FCSK: variants seen among roughly 807,000 people sequenced by gnomAD.
FCSK encodes fucose kinase.
FCSK carries 123 observed loss-of-function variants against 122.5 expected under a neutral mutation model. The ratio of observed to expected loss-of-function variants is 1.00; its 90% CI spans 0.87 to 1.17. The LOEUF is 1.17. FCSK is among the 50% of genes most tolerant of loss of function. The pLI, the probability that FCSK is intolerant of heterozygous loss-of-function variation, is 0.00. For synonymous variants in FCSK, 620 were observed against 625.5 expected, an observed-to-expected ratio of 0.99 and a Z score of 0.13; for missense variants, 1,366 against 1,450.4, an observed-to-expected ratio of 0.94 and a Z score of 0.95.
At chr16:70,474,023 G>GGT in intron 15 of FCSK, 106 bp from the exon 16 acceptor site, 1 of 1,006,308 alleles carries the variant, frequency 9.9e-7, no homozygotes, top group Non-Finnish European at 1.5e-6. Context: ...AAAGCCAGGA[G>GGT]GTGTGAGGGG....
In FCSK at chr16:70,465,114, C is replaced by T. The variant is rs997119961; in HGVS notation, c.235-12C>T. 1.9e-6 allele frequency: 3 copies of T among 1,613,632 alleles called. No individual in the cohort carries two copies. The highest frequency in any genetic ancestry group is 2.5e-6 in the Non-Finnish European group (3 of 1,179,858). On this transcript the variant is annotated splice_polypyrimidine_tract_variant and intron_variant, in intron 3 of 23. Coordinates refer to ENST00000288078, the MANE Select transcript of FCSK (RefSeq NM_145059.3). Reference sequence around the variant, plus strand: ...TGAGGCCTCTGTTCACAGGGCTTTCCCACTCCTGCAGGTGGTCACATCCGA... The same window carrying T: ...TGAGGCCTCTGTTCACAGGGCTTTCTCACTCCTGCAGGTGGTCACATCCGA...
At position 70,463,789 on chromosome 16, in the gene FCSK, G is replaced by A. The variant is rs1367826026; in HGVS notation, c.234+15G>A. The A allele has an allele frequency of 1.9e-6, 3 of 1,598,236 alleles. No individual in the cohort carries two copies. Among genetic ancestry groups the A allele is most frequent in the Non-Finnish European group, 2.6e-6 (3 of 1,173,940 alleles). Reference sequence around the variant, plus strand: ...CAGGCTTCACTGTGAGTGCTCACCAGGGCCACCTCCCTGGTCTGTGTCCCT... The same window carrying A: ...CAGGCTTCACTGTGAGTGCTCACCAAGGCCACCTCCCTGGTCTGTGTCCCT... On this transcript the variant is annotated intron_variant, in intron 3 of 23. Transcript: ENST00000288078.
rs1364224726 is a variant in FCSK, at chr16:70,474,232, G to A, written c.1881G>A (p.Gly627=). The change falls in exon 16 of 24, where the codon GGG becomes GGA. Residue 627 remains glycine, a synonymous_variant. Coordinates refer to ENST00000288078, the MANE Select transcript of FCSK (RefSeq NM_145059.3). ...MAEGRGGLRS[G]PAANPEWMRP... ...AGGGCCGTGGGGGCTTGCGGAGCGGGCCAGCTGCCAACCCTGAGTGGATGC... is the reference window on the plus strand; with the variant it reads ...AGGGCCGTGGGGGCTTGCGGAGCGGACCAGCTGCCAACCCTGAGTGGATGC... 1 of 1,605,006 alleles carries A rather than the reference G, an allele frequency of 6.2e-7. No homozygotes were observed. The highest frequency in any genetic ancestry group is 1.1e-5 in the South Asian group (1 of 89,566).
rs571536381 is a variant in FCSK, at chr16:70,468,717, G to T, written c.664-132G>T. On this transcript the variant is annotated intron_variant, in intron 8 of 23. Transcript: ENST00000288078. ...AAGCCTGGAGTCTGGCTGCTGGAGTGGTCAGAAGGTGACACTCCCTGCCTG... is the reference window on the plus strand; with the variant it reads ...AAGCCTGGAGTCTGGCTGCTGGAGTTGTCAGAAGGTGACACTCCCTGCCTG... 3.7e-5 allele frequency: 41 copies of T among 1,113,896 alleles called. No homozygotes were observed. In the South Asian group the frequency reaches 5.4e-4, roughly 15 times the overall value. The allele number at this position is 1,113,896 out of a possible 1,614,324, so 69.0% of individuals were successfully genotyped here. A position where few individuals can be genotyped will look rare whatever the true frequency, so the allele number is the denominator to read the frequency against.
At chr16:70,467,275 C>T (rs765970421) in intron 6 of FCSK, 99 bp from the exon 7 acceptor site, 15 of 765,660 alleles carry the variant, frequency 2.0e-5, no homozygotes, top group Non-Finnish European at 3.2e-5. Flanking sequence ...TTTAGAGGTG[C>T]CCAGGTGCCG....
In FCSK at chr16:70,468,914, G is replaced by A. The variant is rs891888867; in HGVS notation, c.729G>A (p.Pro243=). The part of the protein sequence containing the change: ...AERLLATHVS[P]PLDACTYLGL... ...GCCTCCTAGCCACCCACGTGAGCCC[G>A]CCCCTGGATGCCTGCACCTACCTAG... The change falls in exon 9 of 24, where the codon CCG becomes CCA. Residue 243 remains proline, a synonymous_variant. Coordinates refer to ENST00000288078, the MANE Select transcript of FCSK (RefSeq NM_145059.3). 7.4e-6 allele frequency: 12 copies of A among 1,613,782 alleles called. No individual in the cohort carries two copies. Among genetic ancestry groups the A allele is most frequent in the African/African-American group, 2.7e-5 (2 of 74,916 alleles).
chr16:70,462,033 C>T (rs925402434), intron 1 of FCSK: 1 of 152,120 alleles, frequency 6.6e-6, no homozygotes. Flanking sequence ...GATCACTGCT[C>T]CTCCGAAAAA....
At position 70,478,494 on chromosome 16, in the gene FCSK, G is replaced by A. The variant is rs1416807829; in HGVS notation, c.2829+35G>A. On this transcript the variant is annotated intron_variant, in intron 21 of 23. Transcript: ENST00000288078. Reference sequence around the variant, plus strand: ...GGCCCCAGCATGAGGGAGGCAGGCAGGGGGCCTGCCAGCTGGGCCTGGGTC... The same window carrying A: ...GGCCCCAGCATGAGGGAGGCAGGCAAGGGGCCTGCCAGCTGGGCCTGGGTC... 2.5e-6 allele frequency: 4 copies of A among 1,612,828 alleles called. No individual in the cohort carries two copies. The African/African-American group carries it at 5.3e-5, about 22-fold the overall frequency.
intron 16 of FCSK, 85 bp from the exon 17 acceptor site, chr16:70,474,443 C>T: frequency 6.5e-7 from 1 of 1,547,268 alleles, no homozygotes; most frequent in Non-Finnish European, 8.7e-7. Context: ...CCTTGGGTAC[C>T]CCGGGACAGT....
At chr16:70,455,522 A>ACAG (rs2048066270) in intron 1 of FCSK, among the ~76,000 whole-genome samples, 1 of 151,560 alleles carries the variant, frequency 6.6e-6, no homozygotes, top group Non-Finnish European at 1.5e-5. Flanking sequence ...AACAACAACA[A>ACAG]AAGAACCTTA....
At chr16:70,478,721 G>A in intron 22 of FCSK, 71 bp downstream of exon 22, 9 of 1,280,818 alleles carry the variant, frequency 7.0e-6, no homozygotes, top group Non-Finnish European at 1.0e-5. Context: ...TTTGAGGCCA[G>A]GGTCATCTGC....
At chr16:70,478,530 C>T (rs1413093481) in intron 21 of FCSK, 21 bp from the exon 22 acceptor site, 7 of 1,613,570 alleles carry the variant, frequency 4.3e-6, no homozygotes, top group Non-Finnish European at 5.9e-6. Context: ...CTCACCACCC[C>T]TTCTCCTGCC....
At position 70,467,365 on chromosome 16, in the gene FCSK, A is replaced by C; in HGVS notation, c.485-9A>C. 1 of 1,598,574 alleles carries C rather than the reference A, an allele frequency of 6.3e-7. No homozygotes were observed. Among genetic ancestry groups the C allele is most frequent in the Non-Finnish European group, 8.5e-7 (1 of 1,172,372 alleles). ...CCCCTGGGAGCCTCCTGACTGCCCC[A>C]CCCCACAGGTATCAGCTGGGACAGC... On this transcript the variant is annotated splice_polypyrimidine_tract_variant and intron_variant, in intron 6 of 23. Coordinates refer to ENST00000288078, the MANE Select transcript of FCSK (RefSeq NM_145059.3).
rs1320326261 is a variant in FCSK at position 70,480,212 on chromosome 16, G to C, written c.*532G>C. On this transcript the variant is annotated 3_prime_UTR_variant, in exon 24 of 24. Transcript: ENST00000288078. ...ACTACGGAGCGTGCCAAGTGACCTG[G>C]TGCCTGTGGGAAGTGGGTTCTCAGG... The C allele has an allele frequency of 6.5e-6, 1 of 153,738 alleles. No individual in the cohort carries two copies. The highest frequency in any genetic ancestry group is 1.9e-4 in the East Asian group (1 of 5,206). The allele number at this position is 153,738 out of a possible 1,614,324, so 9.5% of individuals were successfully genotyped here.
At chr16:70,467,019 C>T in intron 6 of FCSK, 65 bp downstream of exon 6, 1 of 1,462,926 alleles carries the variant, frequency 6.8e-7, no homozygotes. Flanking sequence ...CCAGCTCTGC[C>T]CTTCTTGCCC....
In FCSK at chr16:70,474,938, G is replaced by C. The variant is rs369163057; in HGVS notation, c.2304G>C (p.Gln768His). 109 of 1,611,546 alleles carry C rather than the reference G, an allele frequency of 6.8e-5. No individual in the cohort carries two copies. Among genetic ancestry groups the C allele is most frequent in the Non-Finnish European group, 9.2e-5 (109 of 1,179,380 alleles). The part of the protein sequence containing the change: ...PELWLAVGPR[Q>H]DEMTVKIVCR... ...TGTGGCTGGCGGTGGGGCCTCGGCAGGATGAGATGACTGTGAAGATAGTGT... is the reference window on the plus strand; with the variant it reads ...TGTGGCTGGCGGTGGGGCCTCGGCACGATGAGATGACTGTGAAGATAGTGT... Residue 768 changes from glutamine to histidine, a missense_variant, in exon 18 of 24, where the codon CAG becomes CAC. Coordinates refer to ENST00000288078, the MANE Select transcript of FCSK (RefSeq NM_145059.3).
At chr16:70,460,784 A>T (rs557565329) in intron 1 of FCSK, among the ~76,000 whole-genome samples, 1 of 152,224 alleles carries the variant, frequency 6.6e-6, no homozygotes, top group Non-Finnish European at 1.5e-5. Flanking sequence ...AGCTGTGCTC[A>T]GTCACTGGTT....
Position 70,473,251 on chromosome 16 carries a change from C to T in FCSK, c.1675C>T (p.Arg559Trp), listed in dbSNP as rs567507852. 336 of 1,533,126 alleles carry T rather than the reference C, an allele frequency of 2.2e-4. No individual in the cohort carries two copies. Among genetic ancestry groups the T allele is most frequent in the Admixed American group, 6.9e-4 (35 of 50,872 alleles). The allele number at this position is 1,533,126 out of a possible 1,614,324, so 95.0% of individuals were successfully genotyped here. A position where few individuals can be genotyped will look rare whatever the true frequency, so the allele number is the denominator to read the frequency against. ...CTTCCGCCAGGCCCTGCATAAGGCG[C>T]GGCACGTGCTGGAGGCCCGGCAGGA... is the stretch of plus-strand genomic sequence containing the variant. ...LFFRQALHKA[R>W]HVLEARQDLS... The change falls in exon 15 of 24, where the codon CGG (arginine) becomes TGG (tryptophan). Residue 559 changes from arginine to tryptophan, a missense_variant. By Grantham distance (101) the Arg-to-Trp change is moderately radical. Coordinates refer to ENST00000288078, the MANE Select transcript of FCSK (RefSeq NM_145059.3). This position sits in a 1 kb window ranked among gnomAD's most constrained non-coding sequence, Gnocchi z 4.9.
rs557173956 is a variant in FCSK at position 70,475,248 on chromosome 16, C to T, written c.2378-102C>T. On this transcript the variant is annotated intron_variant, in intron 18 of 23. Coordinates refer to ENST00000288078, the MANE Select transcript of FCSK (RefSeq NM_145059.3). The stretch of plus-strand genomic sequence containing the variant: ...CCAGTACTGCTGCTGGGCTTTTGTC[C>T]CACCGGATGAGTCCCGCACTGGGCT... 4.6e-4 allele frequency: 636 copies of T among 1,393,980 alleles called. 8 individuals carry two copies. In the South Asian group the frequency reaches 7.7e-3, roughly 17 times the overall value. 86.4% of individuals were successfully genotyped at this position (1,393,980 alleles called of 1,614,324 possible).
Sources: allele counts gnomAD v4.1 joint callset (sites outside exome capture counted in the v4.1 genomes callset), GRCh38; gene constraint gnomAD v4.1.1; non-coding constraint Gnocchi (gnomAD v3.1); transcripts MANE v1.5; gene names NCBI Gene and HGNC (gene_info 2026-07-23, HGNC 2026-07-21).